ASTN2: variants seen among roughly 807,000 people sequenced by gnomAD.
ASTN2 encodes astrotactin 2.
ASTN2 carries 54 observed loss-of-function variants against 139.8 expected under a neutral mutation model. That is an observed-to-expected ratio of 0.39 (90% CI 0.31 to 0.48). The LOEUF (loss-of-function observed/expected upper bound fraction) is 0.48, where lower values mean the gene tolerates loss of function less well. Ranked by LOEUF, ASTN2 falls within the 20% of genes least tolerant of loss-of-function variation. The pLI is 0.95. For missense variants in ASTN2, 1,565 were observed against 1,725.1 expected, an observed-to-expected ratio of 0.91 and a Z score of 1.64; for synonymous variants, 756 against 719.5, an observed-to-expected ratio of 1.05 and a Z score of -0.81.
chr9:116,795,166 G>A (rs1045183545), intron 13 of ASTN2, among the ~76,000 whole-genome samples: 1 of 152,140 alleles, frequency 6.6e-6, no homozygotes, highest in Non-Finnish European at 1.5e-5. Flanking sequence ...TTTTAATAGA[G>A]ACGTGGTTTC....
chr9:116,616,215 T>G (rs1034881612), intron 19 of ASTN2, among the ~76,000 whole-genome samples: 4 of 152,210 alleles, frequency 2.6e-5, no homozygotes, highest in African/African-American at 4.8e-5. Context: ...CAGTGCATGT[T>G]GAAGTGTTAA....
chr9:116,481,784 C>T (rs1317614460), intron 20 of ASTN2, among the ~76,000 whole-genome samples: 1 of 152,174 alleles, frequency 6.6e-6, no homozygotes, highest in Non-Finnish European at 1.5e-5. Flanking sequence ...TCTGAGTCTT[C>T]GGCCCCCAAG....
intron 19 of ASTN2, among the ~76,000 whole-genome samples, chr9:116,539,903 T>A (rs1342500100): frequency 1.3e-5 from 2 of 152,220 alleles, no homozygotes; most frequent in South Asian, 4.1e-4. Context: ...TATAAAAATA[T>A]AATCAGAATA....
At position 116,909,511 on chromosome 9, in the gene ASTN2, C is replaced by T. The variant is rs113134743; in HGVS notation, c.1890-45778G>A. Among the ~76,000 whole-genome samples the T allele has an allele frequency of 1.0e-3, 152 of 151,924 alleles. 1 individual carries two copies. Among genetic ancestry groups the T allele is most frequent in the African/African-American group, 3.3e-3 (137 of 41,438 alleles). ...AACAGGTTGAGGGAATAATGAGTTC[C>T]GTGTCAGACATGGTACGTTTGAGAT... On this transcript the variant is annotated intron_variant, in intron 10 of 22. Transcript: ENST00000313400.
intron 22 of ASTN2, among the ~76,000 whole-genome samples, chr9:116,426,315 A>G (rs1296252929): frequency 6.6e-6 from 1 of 152,166 alleles, no homozygotes; most frequent in Non-Finnish European, 1.5e-5. Flanking sequence ...CCTTTAACCT[A>G]GTATTTTCAC....
At chr9:117,412,015 C>A (rs1243245761) in intron 1 of ASTN2, among the ~76,000 whole-genome samples, 1 of 150,256 alleles carries the variant, frequency 6.7e-6, no homozygotes, top group Non-Finnish European at 1.5e-5. Context: ...CCTCCCCCCC[C>A]CAACCCCCAG....
intron 16 of ASTN2, among the ~76,000 whole-genome samples, chr9:116,666,280 A>C (rs1303214511): frequency 6.6e-6 from 1 of 152,216 alleles, no homozygotes; most frequent in East Asian, 1.9e-4. Context: ...TGAGTAATTC[A>C]GGTGGTACTC....
chr9:116,472,744 A>G (rs1224582327), intron 20 of ASTN2, among the ~76,000 whole-genome samples: 1 of 145,380 alleles, frequency 6.9e-6, no homozygotes, highest in African/African-American at 2.5e-5. Flanking sequence ...TCTCTACTAA[A>G]AATACAAAAA....
chr9:117,371,775 G>A lies in ASTN2; in HGVS notation c.442+42722C>T, dbSNP rs958053499. On this transcript the variant is annotated intron_variant, in intron 1 of 22. Coordinates refer to ENST00000313400, the MANE Select transcript of ASTN2 (RefSeq NM_001365068.1). ...CACTGATGGATCATCAGTGGATTTA[G>A]GATGCTAAATTAAGGAGGCTCCTGT... is the stretch of plus-strand genomic sequence containing the variant. Among the ~76,000 whole-genome samples, 3 of 152,094 alleles carry A rather than the reference G, an allele frequency of 2.0e-5. No individual in the cohort carries two copies. In the South Asian group the frequency reaches 6.2e-4, roughly 32 times the overall value.
chr9:116,927,547 TC>T (rs1834788430), intron 10 of ASTN2, among the ~76,000 whole-genome samples: 1 of 152,234 alleles, frequency 6.6e-6, no homozygotes, highest in Non-Finnish European at 1.5e-5. Flanking sequence ...TTTGGATTGA[TC>T]AGCTCTATCT....
chr9:117,209,602 T>A (rs1832053100), intron 3 of ASTN2, among the ~76,000 whole-genome samples: 1 of 152,054 alleles, frequency 6.6e-6, no homozygotes, highest in Non-Finnish European at 1.5e-5. Context: ...AGTAAAATAA[T>A]AATTGGGGAC....
At chr9:116,504,362 G>A (rs1025710503) in intron 19 of ASTN2, 3 of 152,172 alleles carry the variant, frequency 2.0e-5, no homozygotes, top group South Asian at 2.1e-4. Context: ...CAAAGAGGAC[G>A]GTAAGGGAGA....
intron 19 of ASTN2, among the ~76,000 whole-genome samples, chr9:116,516,462 T>A (rs181266022): frequency 1.3e-5 from 2 of 152,210 alleles, no homozygotes; most frequent in Non-Finnish European, 2.9e-5. Flanking sequence ...TGATAATAAA[T>A]AGAATGAGGG....
chr9:116,951,171 C>G (rs4401943), intron 10 of ASTN2, among the ~76,000 whole-genome samples: 1 of 151,740 alleles, frequency 6.6e-6, no homozygotes, highest in Non-Finnish European at 1.5e-5. Flanking sequence ...AACCCTGTCT[C>G]TACTAAAAAT....
chr9:117,013,115 G>C (rs1204634697), intron 6 of ASTN2, among the ~76,000 whole-genome samples: 1 of 151,854 alleles, frequency 6.6e-6, no homozygotes, highest in Non-Finnish European at 1.5e-5. Context: ...TCACTGCCAT[G>C]CTTAGGGTGA....
At chr9:117,358,872 A>T (rs983606324) in intron 1 of ASTN2, among the ~76,000 whole-genome samples, 4 of 151,956 alleles carry the variant, frequency 2.6e-5, no homozygotes. Context: ...ATCCTTGAGA[A>T]CTTCCCTTCA....
chr9:116,657,507 A>G (rs910169761), intron 16 of ASTN2, among the ~76,000 whole-genome samples: 2 of 152,324 alleles, frequency 1.3e-5, no homozygotes, highest in Admixed American at 1.3e-4. Flanking sequence ...AAATCTAACC[A>G]ATTTCACAAC....
At chr9:117,325,607 G>A (rs752526687) in intron 1 of ASTN2, among the ~76,000 whole-genome samples, 5 of 152,114 alleles carry the variant, frequency 3.3e-5, no homozygotes, top group Non-Finnish European at 5.9e-5. Context: ...TACCTGCTGT[G>A]TGTCCTCACG....
At chr9:117,146,830 C>G (rs57016549) in intron 3 of ASTN2, among the ~76,000 whole-genome samples, 1 of 152,146 alleles carries the variant, frequency 6.6e-6, no homozygotes, top group Admixed American at 6.5e-5. Flanking sequence ...TTCTAGTGTT[C>G]TATAGTGCTG....
Sources: allele counts gnomAD v4.1 joint callset (sites outside exome capture counted in the v4.1 genomes callset), GRCh38; gene constraint gnomAD v4.1.1; transcripts MANE v1.5; gene names NCBI Gene and HGNC (gene_info 2026-07-23, HGNC 2026-07-21).